The following GPHN variants were observed in gnomAD, a reference collection of about 807,000 sequenced individuals.
GPHN encodes the protein gephyrin.
Under a neutral mutation model 95.5 loss-of-function variants are expected in GPHN, and 17 were observed. The observed-to-expected ratio is 0.18, with a 90% CI of 0.12 to 0.27. The LOEUF (loss-of-function observed/expected upper bound fraction) is 0.27, where lower values mean the gene tolerates loss of function less well. Ranked by LOEUF, GPHN falls within the 10% of genes least tolerant of loss-of-function variation. The probability of loss-of-function intolerance (pLI) is 1.00; values close to 1 mark genes in which losing one functional copy is unlikely to be tolerated. For missense variants in GPHN, 660 were observed against 978.1 expected, an observed-to-expected ratio of 0.67 and a Z score of 4.34; for synonymous variants, 320 against 322.5, an observed-to-expected ratio of 0.99 and a Z score of 0.08.
At chr14:67,590,597 G>C in the GPHN span, among the ~76,000 whole-genome samples, 1 of 152,186 alleles carries the variant, frequency 6.6e-6, no homozygotes, top group African/African-American at 2.4e-5. Flanking sequence ...GGCCTTAAGT[G>C]ATCTGCCCAC....
chr14:67,100,755 T>C (rs1022104433), intron 12 of GPHN, 101 bp from the exon 13 acceptor site: 43 of 788,076 alleles, frequency 5.5e-5, no homozygotes, highest in Non-Finnish European at 9.1e-6. Flanking sequence ...CTAAGCCTTA[T>C]CAAATAATTT....
At chr14:67,043,464 C>T (rs2074826207) in intron 10 of GPHN, among the ~76,000 whole-genome samples, 1 of 152,060 alleles carries the variant, frequency 6.6e-6, no homozygotes, top group Admixed American at 6.5e-5. Flanking sequence ...TTGTCAAAGG[C>T]CTTTTCTGCA....
intron 18 of GPHN, among the ~76,000 whole-genome samples, chr14:67,147,573 G>C (rs760105171): frequency 7.9e-5 from 12 of 152,084 alleles, no homozygotes; most frequent in Non-Finnish European, 1.6e-4. Context: ...GTCTCACTCT[G>C]TCACCCAGGG....
At chr14:67,154,690 A>G (rs1429500119) in intron 18 of GPHN, among the ~76,000 whole-genome samples, 1 of 152,162 alleles carries the variant, frequency 6.6e-6, no homozygotes, top group Non-Finnish European at 1.5e-5. Flanking sequence ...CATATCAGCT[A>G]TCAAAGCAGT....
rs117594216 is a variant in GPHN, at chr14:66,604,829, G to C, written c.65-76278G>C. On this transcript the variant is annotated intron_variant, in intron 1 of 22. Transcript: ENST00000478722. ...TACTGAGCATAATATCTGATAGGTA[G>C]TTTTTCAGCCCATTTCCCCCTCCCT... Among the ~76,000 whole-genome samples the C allele has an allele frequency of 5.1e-4, 78 of 152,066 alleles. 3 individuals are homozygous for C. In the East Asian group the frequency reaches 0.015, roughly 28 times the overall value.
chr14:66,824,298 T>G (rs999497666), intron 3 of GPHN, among the ~76,000 whole-genome samples, 176 bp from the exon 4 acceptor site: 10 of 152,238 alleles, frequency 6.6e-5, no homozygotes, highest in Non-Finnish European at 1.2e-4. Flanking sequence ...ACTCAAAATT[T>G]CAGTGCCTTT....
At chr14:67,226,647 C>A in the GPHN span, among the ~76,000 whole-genome samples, 1 of 144,250 alleles carries the variant, frequency 6.9e-6, no homozygotes, top group East Asian at 2.4e-4. Context: ...AGGCGTGAGC[C>A]ACTGTGCCTG....
At chr14:66,800,578 G>GTT (rs143537740) in intron 3 of GPHN, among the ~76,000 whole-genome samples, 20 of 148,920 alleles carry the variant, frequency 1.3e-4, no homozygotes, top group African/African-American at 4.2e-4. Context: ...GTTATTTGTA[G>GTT]TTTTTTTTTT....
intron 1 of GPHN, among the ~76,000 whole-genome samples, chr14:66,559,288 T>G (rs868606586): frequency 6.8e-4 from 103 of 150,790 alleles, no homozygotes; most frequent in Non-Finnish European, 1.0e-3. Context: ...GGTATTTCTA[T>G]TTCTAGATCC....
At chr14:66,919,857 G>C (rs1015343506) in intron 6 of GPHN, among the ~76,000 whole-genome samples, 3 of 151,964 alleles carry the variant, frequency 2.0e-5, no homozygotes, top group African/African-American at 7.3e-5. Context: ...ACAAGGTCAG[G>C]AGTTCAAGAC....
At chr14:67,466,709 T>C in the GPHN span, among the ~76,000 whole-genome samples, 45 of 152,282 alleles carry the variant, frequency 3.0e-4, 1 homozygote, top group South Asian at 1.5e-3. Flanking sequence ...GATTCCAGCC[T>C]GGGCCAGGCA....
chr14:67,329,004 A>T, the GPHN span, among the ~76,000 whole-genome samples: 1 of 152,106 alleles, frequency 6.6e-6, no homozygotes, highest in Admixed American at 6.5e-5. Flanking sequence ...GTTTTTTCCA[A>T]TTCTGTGAAG....
At chr14:67,070,222 C>A (rs1267292989) in intron 11 of GPHN, among the ~76,000 whole-genome samples, 2 of 151,656 alleles carry the variant, frequency 1.3e-5, no homozygotes, top group African/African-American at 2.4e-5. Context: ...ATACTCCCTG[C>A]ATTCTTCAAA....
chr14:67,106,551 G>T (rs1462719074), intron 13 of GPHN, among the ~76,000 whole-genome samples: 1 of 152,040 alleles, frequency 6.6e-6, no homozygotes, highest in Non-Finnish European at 1.5e-5. Flanking sequence ...CTATCTTCCA[G>T]TTCAAAGATT....
At chr14:67,583,374 A>G in the GPHN span, among the ~76,000 whole-genome samples, 2 of 152,322 alleles carry the variant, frequency 1.3e-5, no homozygotes, top group African/African-American at 4.8e-5. Context: ...CACATTTGGA[A>G]CACTCTGCTG....
chr14:66,786,684 T>C (rs1169062216), intron 3 of GPHN, among the ~76,000 whole-genome samples: 1 of 152,100 alleles, frequency 6.6e-6, no homozygotes, highest in Non-Finnish European at 1.5e-5. Flanking sequence ...CACGACAATT[T>C]GACATTTATT....
chr14:66,614,297 A>G (rs1479745605), intron 1 of GPHN, among the ~76,000 whole-genome samples: 1 of 152,180 alleles, frequency 6.6e-6, no homozygotes, highest in East Asian at 1.9e-4. Flanking sequence ...CAAACGAGTA[A>G]GAGGTACCAG....
At chr14:66,550,293 A>G (rs1043945303) in intron 1 of GPHN, among the ~76,000 whole-genome samples, 1 of 152,210 alleles carries the variant, frequency 6.6e-6, no homozygotes, top group Non-Finnish European at 1.5e-5. Flanking sequence ...ATTTGGAAGA[A>G]GTTGAATCCA....
At chr14:67,282,325 C>A in the GPHN span, among the ~76,000 whole-genome samples, 6 of 152,090 alleles carry the variant, frequency 3.9e-5, no homozygotes, top group Non-Finnish European at 4.4e-5. Context: ...ACTTCTCAGC[C>A]TTTTTCACAT....
Sources: gnomAD v4.1 joint callset for allele counts (sites outside exome capture counted in the v4.1 genomes callset) on GRCh38, gnomAD v4.1.1 for gene constraint, MANE v1.5 for transcripts, NCBI Gene and HGNC (gene_info 2026-07-23, HGNC 2026-07-21) for gene names.